RHCE: variants seen among roughly 807,000 people sequenced by gnomAD.
The protein encoded by RHCE is blood group Rh(CE) polypeptide.
A neutral mutation model predicts 43.8 loss-of-function variants in RHCE; 22 were observed. The observed-to-expected ratio is 0.50, with a 90% CI of 0.36 to 0.72. The LOEUF (loss-of-function observed/expected upper bound fraction) is 0.72. Among genes scored for constraint, RHCE ranks in the 30% least tolerant of loss-of-function variants. RHCE has a pLI of 0.00. For synonymous variants in RHCE, 156 were observed against 210.7 expected, an observed-to-expected ratio of 0.74 and a Z score of 2.25; for missense variants, 385 against 525.4, an observed-to-expected ratio of 0.73 and a Z score of 2.61.
rs770791604 is a variant in RHCE, at chr1:25,379,495, ATTTTTT to A, written c.1074-4073_1074-4068del. Among the ~76,000 whole-genome samples the A allele has an allele frequency of 1.7e-3, 45 of 27,000 alleles. 1 individual carries two copies. The highest frequency in any genetic ancestry group is 6.4e-3 in the African/African-American group (35 of 5,470). 17.7% of individuals were successfully genotyped at this position (27,000 alleles called of 152,430 possible). A position where few individuals can be genotyped will look rare whatever the true frequency, so the allele number is the denominator to read the frequency against. On this transcript the variant is annotated intron_variant, in intron 7 of 9. Transcript: ENST00000294413. Reference sequence around the variant, plus strand: ...TATATATATATATATATATATATATATTTTTTTTTTTTTTTTTTTTTTTTTTAAAGA... The same window carrying A: ...TATATATATATATATATATATATATATTTTTTTTTTTTTTTTTTTTAAAGA...
chr1:25,371,973 T>C (rs558158102), intron 8 of RHCE, among the ~76,000 whole-genome samples: 23 of 151,556 alleles, frequency 1.5e-4, no homozygotes, highest in African/African-American at 5.4e-4. Flanking sequence ...TACTCAGTAA[T>C]GATCTCTGGC....
At chr1:25,427,311 A>G (rs1177963673) in intron 2 of RHCE, among the ~76,000 whole-genome samples, 1 of 152,218 alleles carries the variant, frequency 6.6e-6, no homozygotes, top group Non-Finnish European at 1.5e-5. Flanking sequence ...CTTCATCAGA[A>G]AGTCCCAGAA....
chr1:25,395,264 GACTA>G (rs1199908605), intron 3 of RHCE, among the ~76,000 whole-genome samples: 1 of 146,208 alleles, frequency 6.8e-6, no homozygotes. Flanking sequence ...ACAGAATTGA[GACTA>G]ACTGAGAGAA....
exon 1 of RHCE, chr1:25,429,950 G>A (rs2042838157): frequency 6.6e-6 from 1 of 152,148 alleles, no homozygotes; most frequent in Non-Finnish European, 1.5e-5. Flanking sequence ...CCAGCACGGT[G>A]CCTGGCATAA....
intron 1 of RHCE, among the ~76,000 whole-genome samples, chr1:25,413,396 A>C (rs1442077656): frequency 6.6e-6 from 1 of 152,010 alleles, no homozygotes; most frequent in Admixed American, 6.6e-5. Context: ...CCTCACTGGT[A>C]TCAGCCTCCA....
chr1:25,379,301 G>C (rs1172045675), intron 7 of RHCE, among the ~76,000 whole-genome samples: 2 of 150,974 alleles, frequency 1.3e-5, no homozygotes, highest in East Asian at 1.9e-4. Flanking sequence ...CCTCCCAAAG[G>C]CTTCACCTCC....
At chr1:25,429,771 T>C (rs1204507671) in intron 1 of RHCE, among the ~76,000 whole-genome samples, 2 of 152,272 alleles carry the variant, frequency 1.3e-5, no homozygotes, top group African/African-American at 2.4e-5. Context: ...ATTGGTGTTT[T>C]TTCCTTTTCG....
chr1:25,404,763 T>C (rs542614870), intron 2 of RHCE, among the ~76,000 whole-genome samples: 124 of 151,980 alleles, frequency 8.2e-4, no homozygotes, highest in African/African-American at 2.9e-3. Context: ...CCTCCATTTA[T>C]AAGGTGGACC....
rs116348266 is a variant in RHCE at position 25,362,357 on chromosome 1, A to G, written c.*170T>C. ...TTAAACTTATTAAATTGACTCTTAA[A>G]CTAAGTTTTTAGTCTTTAATTTTTT... On this transcript the variant is annotated 3_prime_UTR_variant, in exon 10 of 10. Transcript: ENST00000294413. The G allele has an allele frequency of 6.9e-4, 1,004 of 1,455,518 alleles. 6 individuals are homozygous for G. In the African/African-American group the frequency reaches 0.013, roughly 19 times the overall value. 90.2% of individuals were successfully genotyped at this position (1,455,518 alleles called of 1,614,324 possible).
upstream of RHCE, among the ~76,000 whole-genome samples, chr1:25,424,316 T>TC (rs1309008109): frequency 6.6e-6 from 1 of 152,036 alleles, no homozygotes; most frequent in African/African-American, 2.4e-5. Flanking sequence ...ACTGGCTTGC[T>TC]CCCCACCTCA....
At chr1:25,421,650 G>C (rs1486192744), upstream of RHCE, among the ~76,000 whole-genome samples, 1 of 152,200 alleles carries the variant, frequency 6.6e-6, no homozygotes, top group Non-Finnish European at 1.5e-5. Context: ...TACGGGGCTT[G>C]GGACTTAGTT....
At chr1:25,429,399 C>A (rs2042832313) in intron 1 of RHCE, among the ~76,000 whole-genome samples, 1 of 151,974 alleles carries the variant, frequency 6.6e-6, no homozygotes, top group Non-Finnish European at 1.5e-5. Flanking sequence ...GTGATCTACC[C>A]GCCTCGGCCT....
chr1:25,422,717 G>C (rs1367379260), upstream of RHCE, among the ~76,000 whole-genome samples: 1 of 152,168 alleles, frequency 6.6e-6, no homozygotes, highest in Non-Finnish European at 1.5e-5. Flanking sequence ...CCTAGATCAG[G>C]GGTCCCCAAC....
chr1:25,373,904 T>C (rs1571833062), intron 8 of RHCE, among the ~76,000 whole-genome samples: 1 of 150,340 alleles, frequency 6.7e-6, no homozygotes, highest in East Asian at 2.0e-4. Flanking sequence ...CACTATAACC[T>C]CCACCTCCTG....
chr1:25,429,651 C>T (rs910242219), intron 1 of RHCE, among the ~76,000 whole-genome samples: 8 of 152,072 alleles, frequency 5.3e-5, no homozygotes, highest in African/African-American at 1.4e-4. Flanking sequence ...TCTAGTATGA[C>T]CACTATTCTA....
intron 3 of RHCE, among the ~76,000 whole-genome samples, chr1:25,401,332 G>T (rs1483378112): frequency 6.6e-6 from 1 of 152,182 alleles, no homozygotes. Flanking sequence ...ATTTATGGCA[G>T]AGCTGGGATG....
chr1:25,379,905 T>G (rs1410628719), intron 7 of RHCE, among the ~76,000 whole-genome samples: 1 of 152,290 alleles, frequency 6.6e-6, no homozygotes, highest in South Asian at 2.1e-4. Context: ...CTTGAACTCC[T>G]GGGCTCAAGC....
At chr1:25,373,410 G>T (rs1645674200) in intron 8 of RHCE, among the ~76,000 whole-genome samples, 1 of 151,720 alleles carries the variant, frequency 6.6e-6, no homozygotes. Flanking sequence ...GCCTTTCCCA[G>T]GGTTGGATTG....
chr1:25,362,355 A>AGT lies in RHCE; in HGVS notation c.*171_*172insAC, dbSNP rs1645424333. ...TTTTAAACTTATTAAATTGACTCTT[A>AGT]AACTAAGTTTTTAGTCTTTAATTTT... On this transcript the variant is annotated 3_prime_UTR_variant, in exon 10 of 10. Transcript: ENST00000294413. 1 of 1,445,990 alleles carries AGT rather than the reference A, an allele frequency of 6.9e-7. No individual in the cohort carries two copies. The highest frequency in any genetic ancestry group is 9.4e-7 in the Non-Finnish European group (1 of 1,059,518). 89.6% of individuals were successfully genotyped at this position (1,445,990 alleles called of 1,614,324 possible). A position where few individuals can be genotyped will look rare whatever the true frequency, so the allele number is the denominator to read the frequency against.
Sources: gnomAD v4.1 joint callset for allele counts (sites outside exome capture counted in the v4.1 genomes callset) on GRCh38, gnomAD v4.1.1 for gene constraint, MANE v1.5 for transcripts, NCBI Gene and HGNC (gene_info 2026-07-23, HGNC 2026-07-21) for gene names.